The following ABCA9 variants were observed in gnomAD, a reference collection of about 807,000 sequenced individuals.
ABCA9 encodes ATP binding cassette subfamily A member 9, also known as ATP-binding cassette sub-family A member 9.
A neutral mutation model predicts 205.3 loss-of-function variants in ABCA9; 183 were observed. The ratio of observed to expected loss-of-function variants is 0.89; its 90% CI spans 0.79 to 1.01. The LOEUF (loss-of-function observed/expected upper bound fraction) is 1.01. ABCA9 is among the 50% of genes least tolerant of loss of function. The probability of loss-of-function intolerance (pLI) is 0.00; values close to 1 mark genes in which losing one functional copy is unlikely to be tolerated. For synonymous variants in ABCA9, 651 were observed against 683.3 expected (o/e 0.95, Z 0.74); for missense variants, 1,805 against 1,912.4 (o/e 0.94, Z 1.05).
chr17:69,016,515 A>C (rs1405813063), intron 21 of ABCA9, 125 bp from the exon 22 acceptor site: 3 of 797,596 alleles, frequency 3.8e-6, no homozygotes, highest in Non-Finnish European at 5.6e-6. Flanking sequence ...GAATGTGATT[A>C]ATATCACTAT....
At chr17:69,004,893 GTC>G (rs2070064312) in intron 25 of ABCA9, 1 of 152,990 alleles carries the variant, frequency 6.5e-6, no homozygotes, top group Non-Finnish European at 1.5e-5. Flanking sequence ...TCCAGGTGCC[GTC>G]TGTCACCCCT....
At position 68,995,930 on chromosome 17, in the gene ABCA9, A is replaced by G. The variant is rs1052912087; in HGVS notation, c.3520T>C (p.Phe1174Leu). The G allele has an allele frequency of 6.2e-7, 1 of 1,613,742 alleles. No homozygotes were observed. The highest frequency in any genetic ancestry group is 8.5e-7 in the Non-Finnish European group (1 of 1,179,940). Residue 1174 changes from phenylalanine to leucine, a missense_variant, in exon 26 of 39, where the codon TTC (phenylalanine) becomes CTC (leucine). Coordinates refer to ENST00000340001, the MANE Select transcript of ABCA9 (RefSeq NM_080283.4). Reference protein sequence around the residue: ...LFFGTMLIPPFTLIGSLFIFS... With the variant: ...LFFGTMLIPPLTLIGSLFIFS... ...ATGAATAGAGAGCCAATCAATGTGA[A>G]GGGAGGTATTAACATGGTGCCAAAA...
At chr17:69,075,612 G>A in the ABCA9 span, among the ~76,000 whole-genome samples, 1 of 151,910 alleles carries the variant, frequency 6.6e-6, no homozygotes. Context: ...TGCCTTTTTT[G>A]TACAAGTATC....
chr17:69,025,300 C>T (rs1192167544), intron 16 of ABCA9, among the ~76,000 whole-genome samples: 1 of 152,134 alleles, frequency 6.6e-6, no homozygotes, highest in Non-Finnish European at 1.5e-5. Flanking sequence ...TACTGAGGAT[C>T]AAAGAAGTTA....
intron 28 of ABCA9, 142 bp downstream of exon 28, chr17:68,992,033 A>G: frequency 1.9e-6 from 1 of 520,728 alleles, no homozygotes. Flanking sequence ...TTCCTATATT[A>G]TGGGTTATAA....
At chr17:69,072,604 T>C in the ABCA9 span, among the ~76,000 whole-genome samples, 1 of 145,446 alleles carries the variant, frequency 6.9e-6, no homozygotes, top group Non-Finnish European at 1.5e-5. Context: ...AAGCACTAAA[T>C]ATGGAAAGGA....
At position 68,975,943 on chromosome 17, in the gene ABCA9, C is replaced by T. The variant is rs186593974; in HGVS notation, c.4847G>A (p.Trp1616Ter). The change falls in exon 39 of 39, where the codon TGG (tryptophan) becomes TAG (stop). Residue 1616 changes from tryptophan to a stop codon, truncating the protein, a stop_gained. Transcript: ENST00000340001. LOFTEE classifies it high-confidence loss of function. The part of the protein sequence containing the change: ...LEEDFDPSVK[W>*]KLLLQEEP ...AGGCTCTTCCTGCAGGAGGAGTTTC[C>T]ACTTCACCGAGGGATCAAAGTCCTC... The T allele has an allele frequency of 5.0e-6, 8 of 1,613,272 alleles. No individual in the cohort carries two copies. Among genetic ancestry groups the T allele is most frequent in the Non-Finnish European group, 6.8e-6 (8 of 1,179,656 alleles).
In ABCA9 at chr17:69,012,046, G is replaced by A. The variant is rs747906248; in HGVS notation, c.3077C>T (p.Thr1026Ile). 5 of 1,613,198 alleles carry A rather than the reference G, an allele frequency of 3.1e-6. No homozygotes were observed. Among genetic ancestry groups the A allele is most frequent in the Non-Finnish European group, 4.2e-6 (5 of 1,179,532 alleles). Residue 1026 changes from threonine to isoleucine, a missense_variant, in exon 23 of 39, where the codon ACC becomes ATC. Coordinates refer to ENST00000340001, the MANE Select transcript of ABCA9 (RefSeq NM_080283.4). ...GGCTGCCATCGGTATCCAGAAGAAGGTGTTACTTCGGTACCCATACTCATA... is the reference window on the plus strand; with the variant it reads ...GGCTGCCATCGGTATCCAGAAGAAGATGTTACTTCGGTACCCATACTCATA... ...MDYEYGYRSN[T>I]FFWIPMAASF...
intron 1 of ABCA9, among the ~76,000 whole-genome samples, chr17:69,056,089 G>A (rs2072062353): frequency 1.3e-5 from 2 of 152,026 alleles, no homozygotes; most frequent in South Asian, 4.1e-4. Context: ...AACAATCTAA[G>A]CTTACACCTT....
rs187913883 is a variant in ABCA9, at chr17:68,977,291, G to A, written c.4721-1101C>T. Among the ~76,000 whole-genome samples the A allele has an allele frequency of 6.6e-5, 10 of 152,082 alleles. No individual in the cohort carries two copies. The East Asian group carries it at 1.9e-3, about 29-fold the overall frequency. On this transcript the variant is annotated intron_variant, in intron 37 of 38. Coordinates refer to ENST00000340001, the MANE Select transcript of ABCA9 (RefSeq NM_080283.4). ...TAATCAGAGGTAATAGATGAGGGGGGGAAAGAAAGTCATCAAGGAACCCAT... is the reference window on the plus strand; with the variant it reads ...TAATCAGAGGTAATAGATGAGGGGGAGAAAGAAAGTCATCAAGGAACCCAT...
intron 32 of ABCA9, 149 bp from the exon 33 acceptor site, chr17:68,985,277 A>G: frequency 2.2e-6 from 2 of 914,708 alleles, no homozygotes; most frequent in African/African-American, 1.7e-5. Flanking sequence ...TACTTTATGA[A>G]CCTTTCATAG....
At position 69,002,696 on chromosome 17, in the gene ABCA9, T is replaced by C. The variant is rs796285977; in HGVS notation, c.3435+5063A>G. On this transcript the variant is annotated intron_variant, in intron 25 of 38. Transcript: ENST00000340001. ...TTGTTGACTTTCTGTCTCGTTGATC[T>C]GTCTAATGTTGACAGTGGGGTGTTA... is the stretch of plus-strand genomic sequence containing the variant. Among the ~76,000 whole-genome samples, 67 of 148,984 alleles carry C rather than the reference T, an allele frequency of 4.5e-4. No homozygotes were observed. In the East Asian group the frequency reaches 0.011, roughly 24 times the overall value.
chr17:69,073,184 A>G, the ABCA9 span, among the ~76,000 whole-genome samples: 4 of 152,338 alleles, frequency 2.6e-5, 1 homozygote, highest in South Asian at 8.3e-4. Context: ...AATATTAGAC[A>G]GATCAACAAG....
At chr17:69,075,255 C>T in the ABCA9 span, among the ~76,000 whole-genome samples, 9 of 152,154 alleles carry the variant, frequency 5.9e-5, no homozygotes, top group South Asian at 1.9e-3. Context: ...TACTTAGGTC[C>T]CGCTTGTCCA....
At chr17:69,049,513 G>A in intron 2 of ABCA9, 23 bp from the exon 3 acceptor site, 2 of 1,556,112 alleles carry the variant, frequency 1.3e-6, no homozygotes, top group Non-Finnish European at 1.8e-6. Flanking sequence ...AAGAGAAAAA[G>A]GAAACAAACT....
chr17:68,991,189 G>A (rs1366700233), intron 28 of ABCA9, among the ~76,000 whole-genome samples: 1 of 152,092 alleles, frequency 6.6e-6, no homozygotes, highest in Non-Finnish European at 1.5e-5. Flanking sequence ...AATCCTCCCT[G>A]TTGATGGTGA....
chr17:69,077,803 A>AT, the ABCA9 span, among the ~76,000 whole-genome samples: 497 of 147,566 alleles, frequency 3.4e-3, 1 homozygote, highest in East Asian at 0.012. Context: ...TGGTCTTTGA[A>AT]TTTTTTTTTT....
At chr17:69,064,931 T>C (rs905920427), upstream of ABCA9, among the ~76,000 whole-genome samples, 14 of 151,228 alleles carry the variant, frequency 9.3e-5, no homozygotes, top group African/African-American at 3.5e-4. Flanking sequence ...ATTCCATTAT[T>C]GTTTTCTGTT....
chr17:69,064,142 C>T (rs542384749), upstream of ABCA9, among the ~76,000 whole-genome samples: 16 of 152,320 alleles, frequency 1.1e-4, no homozygotes, highest in African/African-American at 3.8e-4. Context: ...TTACCCAATC[C>T]TTTTCTTCCA....
Sources: allele counts gnomAD v4.1 joint callset (sites outside exome capture counted in the v4.1 genomes callset), GRCh38; gene constraint gnomAD v4.1.1; transcripts MANE v1.5; gene names NCBI Gene and HGNC (gene_info 2026-07-23, HGNC 2026-07-21).